The following PLEKHA3 variants were observed in gnomAD, a reference collection of about 807,000 sequenced individuals.
PLEKHA3 encodes pleckstrin homology domain-containing family A member 3.
A neutral mutation model predicts 39.2 loss-of-function variants in PLEKHA3; 19 were observed. The ratio of observed to expected loss-of-function variants is 0.48; its 90% CI spans 0.34 to 0.71. PLEKHA3 has a LOEUF of 0.71. Among genes scored for constraint, PLEKHA3 ranks in the 30% least tolerant of loss-of-function variants. PLEKHA3 has a pLI of 0.01. For synonymous variants in PLEKHA3, 97 were observed against 118.6 expected, an observed-to-expected ratio of 0.82 and a Z score of 1.18; for missense variants, 253 against 359.5, an observed-to-expected ratio of 0.70 and a Z score of 2.40.
At chr2:178,502,964 G>A (rs564720330) in intron 7 of PLEKHA3, among the ~76,000 whole-genome samples, 1 of 151,984 alleles carries the variant, frequency 6.6e-6, no homozygotes, top group Non-Finnish European at 1.5e-5. Context: ...GATTGAATTA[G>A]TGCTCTTTCC....
At position 178,485,803 on chromosome 2, in the gene PLEKHA3, AG is replaced by A. The variant is rs760046256; in HGVS notation, c.157+49del. The A allele has an allele frequency of 2.9e-6, 4 of 1,402,032 alleles. No individual in the cohort carries two copies. In the East Asian group the frequency reaches 9.1e-5, roughly 32 times the overall value. 86.8% of individuals were successfully genotyped at this position (1,402,032 alleles called of 1,614,324 possible). A position where few individuals can be genotyped will look rare whatever the true frequency, so the allele number is the denominator to read the frequency against. On this transcript the variant is annotated intron_variant, in intron 2 of 7. Transcript: ENST00000234453. Reference sequence around the variant, plus strand: ...AGAGGAATTGGAGGTTAGATAGTCAAGGGTTCTTCAGCATACTCCAGACGAG... The same window carrying A: ...AGAGGAATTGGAGGTTAGATAGTCAAGGTTCTTCAGCATACTCCAGACGAG...
At chr2:178,485,196 G>C (rs1245139426) in intron 1 of PLEKHA3, among the ~76,000 whole-genome samples, 2 of 152,228 alleles carry the variant, frequency 1.3e-5, no homozygotes, top group East Asian at 3.8e-4. Context: ...GAAATGAAAA[G>C]ATTTGTCCCC....
At chr2:178,481,428 A>G (rs1303730791) in intron 1 of PLEKHA3, among the ~76,000 whole-genome samples, 1 of 152,222 alleles carries the variant, frequency 6.6e-6, no homozygotes, top group Non-Finnish European at 1.5e-5. Context: ...GTCCCCAGAT[A>G]ATATTCTCTT....
At chr2:178,500,102 A>T (rs1028518358) in intron 6 of PLEKHA3, among the ~76,000 whole-genome samples, 7 of 152,258 alleles carry the variant, frequency 4.6e-5, no homozygotes, top group Non-Finnish European at 1.0e-4. Flanking sequence ...CTAAGTTGTT[A>T]AACTATTATT....
At position 178,490,821 on chromosome 2, in the gene PLEKHA3, A is replaced by G. The variant is rs776522761; in HGVS notation, c.313+7A>G. ...AGGACTAAAAAAGAAAAAGGTAACTATAAACTTTTCCCTTGTGGTGAGAGT... is the reference window on the plus strand; with the variant it reads ...AGGACTAAAAAAGAAAAAGGTAACTGTAAACTTTTCCCTTGTGGTGAGAGT... On this transcript the variant is annotated splice_region_variant and intron_variant, in intron 3 of 7. Transcript: ENST00000234453. 10 of 1,598,914 alleles carry G rather than the reference A, an allele frequency of 6.3e-6. No homozygotes were observed. The highest frequency in any genetic ancestry group is 1.1e-5 in the South Asian group (1 of 88,234).
chr2:178,499,708 GC>G (rs1401618255), intron 6 of PLEKHA3, among the ~76,000 whole-genome samples: 1 of 152,088 alleles, frequency 6.6e-6, no homozygotes, highest in African/African-American at 2.4e-5. Context: ...GAAGTTTGTA[GC>G]CTAAGAACAA....
chr2:178,491,010 C>CTTTTTTTTTT (rs1204723389), intron 3 of PLEKHA3, among the ~76,000 whole-genome samples, 196 bp downstream of exon 3: 4 of 129,534 alleles, frequency 3.1e-5, no homozygotes, highest in Non-Finnish European at 4.9e-5. Context: ...CTCTTTCTTT[C>CTTTTTTTTTT]TTTTTTTTTT....
chr2:178,495,815 C>T (rs772046139), intron 5 of PLEKHA3, among the ~76,000 whole-genome samples, 155 bp downstream of exon 5: 2 of 152,142 alleles, frequency 1.3e-5, no homozygotes, highest in Non-Finnish European at 2.9e-5. Flanking sequence ...GTTTCATATT[C>T]GAGCTTCTTA....
chr2:178,489,947 C>T (rs530866464), intron 2 of PLEKHA3, among the ~76,000 whole-genome samples: 1 of 152,076 alleles, frequency 6.6e-6, no homozygotes, highest in South Asian at 2.1e-4. Context: ...TTTTTCTTCC[C>T]CTCTATCTTC....
Position 178,511,144 on chromosome 2 carries a change from G to A in PLEKHA3, c.*7257G>A, listed in dbSNP as rs1685678642. On this transcript the variant is annotated 3_prime_UTR_variant, in exon 8 of 8. Transcript: ENST00000234453. Reference sequence around the variant, plus strand: ...TCTACGGCTACAGAGCCGCATACTCGAAGGAGGGAGATTTTTATTTGTAAG... The same window carrying A: ...TCTACGGCTACAGAGCCGCATACTCAAAGGAGGGAGATTTTTATTTGTAAG... 1.3e-5 allele frequency: 2 copies of A among 152,158 alleles called. No homozygotes were observed. Among genetic ancestry groups the A allele is most frequent in the Non-Finnish European group, 2.9e-5 (2 of 68,032 alleles). 9.4% of individuals were successfully genotyped at this position (152,158 alleles called of 1,614,324 possible).
intron 3 of PLEKHA3, among the ~76,000 whole-genome samples, chr2:178,492,664 T>C (rs1206911517): frequency 6.6e-6 from 1 of 150,644 alleles, no homozygotes; most frequent in African/African-American, 2.4e-5. Flanking sequence ...GAAGGACATA[T>C]AGTCTATGAT....
At chr2:178,488,152 G>A (rs976507072) in intron 2 of PLEKHA3, among the ~76,000 whole-genome samples, 5 of 151,828 alleles carry the variant, frequency 3.3e-5, no homozygotes, top group African/African-American at 1.2e-4. Context: ...GTCTTCTTTT[G>A]AAGTCCTCTT....
intron 4 of PLEKHA3, among the ~76,000 whole-genome samples, chr2:178,494,226 G>A (rs1685403828): frequency 6.6e-6 from 1 of 152,234 alleles, no homozygotes; most frequent in South Asian, 2.1e-4. Flanking sequence ...TTTGCAGCCA[G>A]TCTGATAATT....
rs1685698707 is a variant in PLEKHA3 at position 178,512,160 on chromosome 2, T to C, written c.*8273T>C. On this transcript the variant is annotated 3_prime_UTR_variant, in exon 8 of 8. Transcript: ENST00000234453. Reference sequence around the variant, plus strand: ...CTTTAAGTTATCCCTTTATTTAGTATTTAAATTCACATGCTTCTTGATTTT... The same window carrying C: ...CTTTAAGTTATCCCTTTATTTAGTACTTAAATTCACATGCTTCTTGATTTT... 1 of 152,226 alleles carries C rather than the reference T, an allele frequency of 6.6e-6. No individual in the cohort carries two copies. The highest frequency in any genetic ancestry group is 1.5e-5 in the Non-Finnish European group (1 of 68,040). 9.4% of individuals were successfully genotyped at this position (152,226 alleles called of 1,614,324 possible).
At chr2:178,491,645 C>T (rs1385699200) in intron 3 of PLEKHA3, among the ~76,000 whole-genome samples, 1 of 152,176 alleles carries the variant, frequency 6.6e-6, no homozygotes, top group East Asian at 1.9e-4. Context: ...CAACTATATA[C>T]AGATATAATG....
At position 178,493,837 on chromosome 2, in the gene PLEKHA3, T is replaced by C; in HGVS notation, c.314-16T>C. The C allele has an allele frequency of 6.2e-7, 1 of 1,603,894 alleles. No individual in the cohort carries two copies. Among genetic ancestry groups the C allele is most frequent in the East Asian group, 2.2e-5 (1 of 44,784 alleles). ...TGAAAATGATCTAACTGTATATTTA[T>C]GTATATTCTTTTCAGAAATAAGTGA... On this transcript the variant is annotated splice_polypyrimidine_tract_variant and intron_variant, in intron 3 of 7. Coordinates refer to ENST00000234453, the MANE Select transcript of PLEKHA3 (RefSeq NM_019091.4).
At chr2:178,502,812 G>GCACA (rs146414466) in intron 7 of PLEKHA3, among the ~76,000 whole-genome samples, 1 of 149,970 alleles carries the variant, frequency 6.7e-6, no homozygotes, top group African/African-American at 2.4e-5. Context: ...ACACACGCAC[G>GCACA]CACACACACA....
chr2:178,495,976 T>A (rs868197484), intron 5 of PLEKHA3, among the ~76,000 whole-genome samples: 1 of 152,294 alleles, frequency 6.6e-6, no homozygotes, highest in Middle Eastern at 3.4e-3. Context: ...TGGGGAGCTC[T>A]ATTCTGCTTG....
Position 178,503,938 on chromosome 2 carries a change from G to A in PLEKHA3, c.*51G>A, listed in dbSNP as rs766046478. 2.5e-6 allele frequency: 4 copies of A among 1,598,244 alleles called. No homozygotes were observed. The South Asian group carries it at 3.3e-5, about 13-fold the overall frequency. On this transcript the variant is annotated 3_prime_UTR_variant, in exon 8 of 8. Coordinates refer to ENST00000234453, the MANE Select transcript of PLEKHA3 (RefSeq NM_019091.4). ...TAAGTATTGCTATGCAAAAGCTGCT[G>A]TAATTAAACTATTGTTATAGGGAGT...
Sources: allele counts gnomAD v4.1 joint callset (sites outside exome capture counted in the v4.1 genomes callset), GRCh38; gene constraint gnomAD v4.1.1; transcripts MANE v1.5; gene names NCBI Gene and HGNC (gene_info 2026-07-23, HGNC 2026-07-21).